The following MACO1 variants were observed in gnomAD, a reference collection of about 807,000 sequenced individuals.
MACO1 encodes macoilin.
A neutral mutation model predicts 78.7 loss-of-function variants in MACO1; 14 were observed. The observed-to-expected ratio is 0.18, with a 90% confidence interval of 0.12 to 0.28. MACO1 has a LOEUF of 0.28. Ranked by LOEUF, MACO1 falls within the 10% of genes least tolerant of loss-of-function variation. The pLI, the probability that MACO1 is intolerant of heterozygous loss-of-function variation, is 1.00. For synonymous variants in MACO1, 288 were observed against 291.6 expected, an observed-to-expected ratio of 0.99 and a Z score of 0.12; for missense variants, 501 against 799.0, an observed-to-expected ratio of 0.63 and a Z score of 4.50.
chr1:25,489,368 G>A (rs2043464446), intron 9 of MACO1, 75 bp downstream of exon 9: 3 of 1,530,740 alleles, frequency 2.0e-6, no homozygotes, highest in South Asian at 2.4e-5. Context: ...GTGTTGCAGT[G>A]TAGAGATGAT....
chr1:25,458,519 A>G lies in MACO1; in HGVS notation c.781A>G (p.Lys261Glu), dbSNP rs779430520. ...EYREKGKEKD[K>E]DAKKHNLGIN... Reference sequence around the variant, plus strand: ...CCGAGAAAAAGGGAAAGAAAAGGACAAGGATGCCAAAAAACACAACCTTGG... The same window carrying G: ...CCGAGAAAAAGGGAAAGAAAAGGACGAGGATGCCAAAAAACACAACCTTGG... Residue 261 changes from lysine (K) to glutamate (E), a missense_variant, in exon 6 of 11, where the codon AAG becomes GAG. This residue lies in a region of MACO1 where 90 missense variants were observed against 85.7 expected (regional missense o/e 1.05). Coordinates refer to ENST00000374343, the MANE Select transcript of MACO1 (RefSeq NM_018202.6). The G allele has an allele frequency of 5.6e-6, 9 of 1,614,056 alleles. No homozygotes were observed. The highest frequency in any genetic ancestry group is 1.3e-5 in the African/African-American group (1 of 74,920).
chr1:25,454,418 A>T (rs78382369), intron 4 of MACO1, 36 bp downstream of exon 4: 1 of 1,041,532 alleles, frequency 9.6e-7, no homozygotes, highest in East Asian at 3.5e-5. Flanking sequence ...GTGTGTGTGT[A>T]TATGTGTGTA....
At chr1:25,438,906 A>C (rs1343908156) in intron 1 of MACO1, among the ~76,000 whole-genome samples, 1 of 148,150 alleles carries the variant, frequency 6.7e-6, no homozygotes, top group African/African-American at 2.6e-5. Context: ...CAAGAAAAAT[A>C]AAATAAAATA....
intron 5 of MACO1, among the ~76,000 whole-genome samples, chr1:25,458,076 A>G (rs1394628354): frequency 1.3e-5 from 2 of 152,196 alleles, no homozygotes; most frequent in Non-Finnish European, 1.5e-5. Context: ...GATTTGACTA[A>G]TACACAAAGT....
intron 4 of MACO1, 50 bp from the exon 5 acceptor site, chr1:25,456,601 CAT>C: frequency 6.3e-7 from 1 of 1,575,122 alleles, no homozygotes; most frequent in Non-Finnish European, 8.6e-7. Context: ...GCTTGAGGCA[CAT>C]GTGGTTCATT....
chr1:25,487,377 T>C (rs1188075650), intron 8 of MACO1, among the ~76,000 whole-genome samples: 3 of 152,140 alleles, frequency 2.0e-5, no homozygotes, highest in Non-Finnish European at 2.9e-5. Flanking sequence ...GGTCTCGAAC[T>C]CCTGACCTCA....
intron 6 of MACO1, among the ~76,000 whole-genome samples, chr1:25,461,525 AGTGCTGTT>A (rs2043172541): frequency 6.6e-6 from 1 of 152,110 alleles, no homozygotes; most frequent in African/African-American, 2.4e-5. Flanking sequence ...CTAATAGAAT[AGTGCTGTT>A]GTTAAGGTAC....
intron 6 of MACO1, among the ~76,000 whole-genome samples, chr1:25,460,885 A>G (rs1297848587): frequency 6.6e-6 from 1 of 152,100 alleles, no homozygotes; most frequent in African/African-American, 2.4e-5. Flanking sequence ...CTTACTATCA[A>G]ATGACTAATA....
rs1419968960 is a variant in MACO1, at chr1:25,494,356, G to C, written c.1792+2772G>C. ...GAATTTCAAGAGCAGAGAATGCCAG[G>C]GAAAAACATGTTGCCTGAGGAAGTA... On this transcript the variant is annotated intron_variant, in intron 10 of 10. Transcript: ENST00000374343. Among the ~76,000 whole-genome samples the C allele has an allele frequency of 1.3e-4, 20 of 152,120 alleles. 1 individual carries two copies. Among genetic ancestry groups the C allele is most frequent in the Admixed American group, 1.3e-3 (20 of 15,258 alleles).
intron 1 of MACO1, among the ~76,000 whole-genome samples, chr1:25,434,007 T>G (rs2124565331): frequency 6.6e-6 from 1 of 152,352 alleles, no homozygotes; most frequent in Non-Finnish European, 1.5e-5. Context: ...GACTCACTTT[T>G]AAATCATGGG....
At chr1:25,454,426 GTA>G in intron 4 of MACO1, 44 bp downstream of exon 4, 1 of 1,263,368 alleles carries the variant, frequency 7.9e-7, no homozygotes. Flanking sequence ...GTATATGTGT[GTA>G]TGTATATATA....
chr1:25,450,450 G>A (rs2043055647), intron 3 of MACO1, among the ~76,000 whole-genome samples: 1 of 152,122 alleles, frequency 6.6e-6, no homozygotes, highest in South Asian at 2.1e-4. Context: ...TTGGCTGTCA[G>A]AGTCAAATTT....
chr1:25,472,309 C>A (rs1034402955), intron 6 of MACO1, among the ~76,000 whole-genome samples: 1 of 152,126 alleles, frequency 6.6e-6, no homozygotes, highest in African/African-American at 2.4e-5. Flanking sequence ...TGGTTTGCTG[C>A]ACCCATCAAC....
chr1:25,437,298 CTTTT>C (rs1173305681), intron 1 of MACO1, among the ~76,000 whole-genome samples: 21 of 65,870 alleles, frequency 3.2e-4, no homozygotes, highest in South Asian at 3.1e-3. Flanking sequence ...CCATGCCTGG[CTTTT>C]TTTTTTTTTT....
intron 1 of MACO1, among the ~76,000 whole-genome samples, chr1:25,441,716 G>T (rs1290670938): frequency 6.6e-6 from 1 of 152,184 alleles, no homozygotes; most frequent in African/African-American, 2.4e-5. Flanking sequence ...TTTACTTTGG[G>T]GTTAGGGCGG....
chr1:25,453,098 C>T (rs1413389206), intron 3 of MACO1, among the ~76,000 whole-genome samples: 3 of 150,528 alleles, frequency 2.0e-5, no homozygotes, highest in Admixed American at 1.3e-4. Context: ...CTCTGCCTCC[C>T]GGGTTCAAGC....
intron 6 of MACO1, among the ~76,000 whole-genome samples, chr1:25,459,436 T>TA (rs1232811903): frequency 6.6e-6 from 1 of 152,158 alleles, no homozygotes; most frequent in Non-Finnish European, 1.5e-5. Flanking sequence ...GAAACAGTGT[T>TA]AGACACAAAG....
intron 6 of MACO1, among the ~76,000 whole-genome samples, chr1:25,480,975 T>TATATATATATA (rs2043372106): frequency 7.0e-5 from 9 of 128,236 alleles, no homozygotes; most frequent in Non-Finnish European, 1.1e-4. Context: ...TATATATATA[T>TATATATATATA]TTCATGTTCT....
rs963468003 is a variant in MACO1, at chr1:25,499,188, G to C, written c.*722G>C. On this transcript the variant is annotated 3_prime_UTR_variant, in exon 11 of 11. Coordinates refer to ENST00000374343, the MANE Select transcript of MACO1 (RefSeq NM_018202.6). ...GAAAAGACATTTCAAGAGGAAACTT[G>C]ATAATTTTAAACTCTTTTCCCCCTT... 1 of 152,220 alleles carries C rather than the reference G, an allele frequency of 6.6e-6. No homozygotes were observed. The highest frequency in any genetic ancestry group is 1.5e-5 in the Non-Finnish European group (1 of 68,044). The allele number at this position is 152,220 out of a possible 1,614,324, so 9.4% of individuals were successfully genotyped here.
Sources: gnomAD v4.1 joint callset for allele counts (sites outside exome capture counted in the v4.1 genomes callset) on GRCh38, gnomAD v4.1.1 for gene constraint, gnomAD v4.1.1 regional missense constraint, MANE v1.5 for transcripts, NCBI Gene and HGNC (gene_info 2026-07-23, HGNC 2026-07-21) for gene names.